IMPG1: variants seen among roughly 807,000 people sequenced by gnomAD.
The protein encoded by IMPG1 is interphotoreceptor matrix proteoglycan of 150 kDa.
A neutral mutation model predicts 92.0 loss-of-function variants in IMPG1; 85 were observed. The observed-to-expected ratio is 0.92, with a 90% CI of 0.78 to 1.11. The LOEUF (loss-of-function observed/expected upper bound fraction) is 1.11, where lower values mean the gene tolerates loss of function less well. Among genes scored for constraint, IMPG1 ranks in the 50% least tolerant of loss-of-function variants. The probability of loss-of-function intolerance (pLI) is 0.00; values close to 1 mark genes in which losing one functional copy is unlikely to be tolerated. For synonymous variants in IMPG1, 367 were observed against 334.1 expected, an observed-to-expected ratio of 1.10 and a Z score of -1.08; for missense variants, 1,022 against 956.0, an observed-to-expected ratio of 1.07 and a Z score of -0.91.
At chr6:76,050,359 CT>C (rs2127595996) in intron 1 of IMPG1, among the ~76,000 whole-genome samples, 1 of 152,224 alleles carries the variant, frequency 6.6e-6, no homozygotes, top group East Asian at 1.9e-4. Context: ...ATGAGAATCG[CT>C]TGAACCTGGG....
intron 1 of IMPG1, among the ~76,000 whole-genome samples, chr6:76,047,118 C>G (rs546088604): frequency 6.6e-6 from 1 of 152,270 alleles, no homozygotes; most frequent in African/African-American, 2.4e-5. Context: ...TCCCACTCTG[C>G]CCTACCACTC....
At chr6:76,019,134 C>A (rs1275934135) in intron 6 of IMPG1, among the ~76,000 whole-genome samples, 1 of 152,132 alleles carries the variant, frequency 6.6e-6, no homozygotes, top group African/African-American at 2.4e-5. Context: ...ATTTGGGCCA[C>A]CTTTGGAAGC....
intron 12 of IMPG1, among the ~76,000 whole-genome samples, chr6:75,974,293 CTCTT>C (rs200328485): frequency 6.7e-6 from 1 of 150,218 alleles, no homozygotes; most frequent in Admixed American, 6.6e-5. Flanking sequence ...TTCTTTCTTT[CTCTT>C]TCTTTTCTTT....
chr6:75,973,631 G>T (rs1040600718), intron 12 of IMPG1, among the ~76,000 whole-genome samples: 9 of 152,310 alleles, frequency 5.9e-5, no homozygotes, highest in Middle Eastern at 3.4e-3. Flanking sequence ...AATTGCCCAA[G>T]GTTATAAGTT....
chr6:75,964,675 C>CAAAAAAAAA (rs75154439), intron 12 of IMPG1, among the ~76,000 whole-genome samples: 2 of 81,812 alleles, frequency 2.4e-5, no homozygotes, highest in African/African-American at 5.0e-5. Context: ...AGACTAGTCT[C>CAAAAAAAAA]AAAAAAAAAA....
chr6:76,038,578 A>G (rs566763933), intron 2 of IMPG1, among the ~76,000 whole-genome samples: 1 of 152,328 alleles, frequency 6.6e-6, no homozygotes, highest in African/African-American at 2.4e-5. Flanking sequence ...TGAGGCATCA[A>G]AGGACCTCAG....
rs186344853 is a variant in IMPG1, at chr6:76,014,621, G to T, written c.808-3397C>A. On this transcript the variant is annotated intron_variant, in intron 7 of 16. Transcript: ENST00000369950. ...GGGATTTAACATTTAAACATGAGCT[G>T]CAGTTTCTGGAGCAGCAGATTCAGA... 7.9e-5 allele frequency among the ~76,000 whole-genome samples: 12 copies of T among 152,312 alleles called. No homozygotes were observed. The East Asian group carries it at 2.3e-3, about 29-fold the overall frequency.
chr6:76,043,192 C>A (rs180717558), intron 1 of IMPG1, among the ~76,000 whole-genome samples: 1 of 151,940 alleles, frequency 6.6e-6, no homozygotes, highest in East Asian at 1.9e-4. Flanking sequence ...TTCCTTTTAT[C>A]CATTCTACCA....
intron 1 of IMPG1, among the ~76,000 whole-genome samples, chr6:76,065,131 G>A (rs1784287538): frequency 6.6e-6 from 1 of 151,900 alleles, no homozygotes; most frequent in Non-Finnish European, 1.5e-5. Context: ...TGAAAGAAGA[G>A]GTAGTTTATG....
chr6:76,049,239 G>C (rs1160567198), intron 1 of IMPG1, among the ~76,000 whole-genome samples: 1 of 152,112 alleles, frequency 6.6e-6, no homozygotes, highest in African/African-American at 2.4e-5. Context: ...ATAACTATAG[G>C]ATACTAGACT....
chr6:75,928,534 TTC>T (rs1489151010), intron 15 of IMPG1: 1 of 152,178 alleles, frequency 6.6e-6, no homozygotes, highest in Non-Finnish European at 1.5e-5. Context: ...ACATAGTGAA[TTC>T]TCTCAACTGA....
intron 12 of IMPG1, among the ~76,000 whole-genome samples, chr6:75,971,699 T>C (rs928831969): frequency 3.9e-5 from 6 of 152,214 alleles, no homozygotes; most frequent in African/African-American, 1.2e-4. Flanking sequence ...TCTTATCTAG[T>C]GCACCTTCCA....
chr6:76,019,151 C>T (rs1168641548), intron 6 of IMPG1, among the ~76,000 whole-genome samples: 1 of 152,136 alleles, frequency 6.6e-6, no homozygotes, highest in Non-Finnish European at 1.5e-5. Flanking sequence ...AAGCAGGTGG[C>T]TAAGAACGGA....
intron 1 of IMPG1, among the ~76,000 whole-genome samples, chr6:76,066,975 G>A (rs1784320105): frequency 6.6e-6 from 1 of 151,622 alleles, no homozygotes; most frequent in Admixed American, 6.6e-5. Flanking sequence ...AATTAACACG[G>A]AAATTAAAAA....
chr6:76,003,933 G>C lies in IMPG1; in HGVS notation c.1153C>G (p.Pro385Ala), dbSNP rs368030642. 55 of 1,612,368 alleles carry C rather than the reference G, an allele frequency of 3.4e-5. No homozygotes were observed. In the African/African-American group the frequency reaches 4.8e-4, roughly 14 times the overall value. Reference sequence around the variant, plus strand: ...GATTGGGTGTCAGGACCAAAGGCTGGCAGTGATCCAGCAATTTCTATGGGT... The same window carrying C: ...GATTGGGTGTCAGGACCAAAGGCTGCCAGTGATCCAGCAATTTCTATGGGT... Reference protein sequence around the residue: ...QFTDEIAGSLPAFGPDTQSEL... With the variant: ...QFTDEIAGSLAAFGPDTQSEL... Residue 385 changes from proline (P) to alanine (A), a missense_variant, in exon 11 of 17, where the codon CCA (proline) becomes GCA (alanine). Transcript: ENST00000369950.
At chr6:75,967,468 TC>T (rs909858969) in intron 12 of IMPG1, among the ~76,000 whole-genome samples, 5 of 152,034 alleles carry the variant, frequency 3.3e-5, no homozygotes, top group Non-Finnish European at 7.4e-5. Context: ...GAGGCGTGGG[TC>T]CTCAACAGAC....
intron 12 of IMPG1, among the ~76,000 whole-genome samples, chr6:75,972,279 A>G (rs77778681): frequency 0.013 from 2,005 of 152,274 alleles, 36 homozygotes; most frequent in African/African-American, 0.046. Context: ...ACCAACATGC[A>G]AGATACGTAC....
At chr6:76,024,026 G>T (rs1158450999) in intron 5 of IMPG1, among the ~76,000 whole-genome samples, 1 of 152,046 alleles carries the variant, frequency 6.6e-6, no homozygotes, top group East Asian at 1.9e-4. Flanking sequence ...TCAAATTTGA[G>T]CTGTTTATAT....
intron 1 of IMPG1, among the ~76,000 whole-genome samples, chr6:76,062,561 C>T (rs1784224663): frequency 6.6e-6 from 1 of 152,030 alleles, no homozygotes; most frequent in Non-Finnish European, 1.5e-5. Context: ...ATTTTCATCT[C>T]CTATTTTTTC....
Sources: gnomAD v4.1 joint callset for allele counts (sites outside exome capture counted in the v4.1 genomes callset) on GRCh38, gnomAD v4.1.1 for gene constraint, MANE v1.5 for transcripts, NCBI Gene and HGNC (gene_info 2026-07-23, HGNC 2026-07-21) for gene names.